RGS12: variants seen among roughly 807,000 people sequenced by gnomAD.
RGS12 encodes the protein regulator of G-protein signaling 12.
Under a neutral mutation model 120.1 loss-of-function variants are expected in RGS12, and 66 were observed. That is an observed-to-expected ratio of 0.55 (90% confidence interval 0.45 to 0.67). The LOEUF is 0.67. Ranked by LOEUF, RGS12 falls within the 30% of genes least tolerant of loss-of-function variation. The probability of loss-of-function intolerance (pLI) is 0.00; values close to 1 mark genes in which losing one functional copy is unlikely to be tolerated. For missense variants in RGS12, 1,859 were observed against 1,957.7 expected (o/e 0.95, Z 0.95); for synonymous variants, 827 against 804.7 (o/e 1.03, Z -0.47).
intron 14 of RGS12, among the ~76,000 whole-genome samples, chr4:3,427,599 G>C (rs571906021): frequency 6.6e-6 from 1 of 152,286 alleles, no homozygotes; most frequent in East Asian, 1.9e-4. Context: ...AGCTGGGTGT[G>C]GTGGCACATG....
chr4:3,392,261 A>T (rs1719580207), intron 4 of RGS12, among the ~76,000 whole-genome samples: 1 of 152,140 alleles, frequency 6.6e-6, no homozygotes, highest in Admixed American at 6.5e-5. Context: ...ATACCACCTA[A>T]CAGAAAGCTT....
intron 2 of RGS12, among the ~76,000 whole-genome samples, chr4:3,322,577 A>G (rs1725271888): frequency 6.6e-6 from 1 of 152,192 alleles, no homozygotes; most frequent in Non-Finnish European, 1.5e-5. Flanking sequence ...ACTGACTCAA[A>G]GTTATATTAA....
At position 3,439,532 on chromosome 4, in the gene RGS12, G is replaced by A. The variant is rs150159451; in HGVS notation, c.4192G>A (p.Gly1398Arg). The A allele has an allele frequency of 1.7e-4, 271 of 1,612,716 alleles. No individual in the cohort carries two copies. Among genetic ancestry groups the A allele is most frequent in the Middle Eastern group, 8.3e-4 (5 of 6,056 alleles). Residue 1398 changes from glycine (G) to arginine (R), a missense_variant, in exon 18 of 18, where the codon GGG becomes AGG. Gly to Arg is a moderately radical substitution (Grantham distance 125, BLOSUM62 -2). Around this residue, in one of 3 missense-constraint regions of RGS12, gnomAD observed 517 missense variants for 488.5 expected, o/e 1.06. Transcript: ENST00000336727. ...GGATCTTGTAACTGGCTCGGCGCCC[G>A]GGCGGGATGGTGGCATAGCGGGGGC... ...DVDLVTGSAP[G>R]RDGGIAGAQA...
At chr4:3,423,411 G>A in intron 12 of RGS12, 104 bp from the exon 13 acceptor site, 3 of 1,467,022 alleles carry the variant, frequency 2.0e-6, no homozygotes, top group Non-Finnish European at 2.8e-6. Context: ...GGCACACCGA[G>A]GCCTTGAGGG....
chr4:3,314,147 A>T (rs1203992043), intron 1 of RGS12: 1 of 151,756 alleles, frequency 6.6e-6, no homozygotes, highest in East Asian at 1.9e-4. Flanking sequence ...GAGTAATGTA[A>T]TTTATATTCA....
At chr4:3,410,239 C>G (rs1347120993) in intron 4 of RGS12, among the ~76,000 whole-genome samples, 1 of 152,234 alleles carries the variant, frequency 6.6e-6, no homozygotes, top group South Asian at 2.1e-4. Flanking sequence ...ATAGCTGGGA[C>G]CACAGGTGCC....
chr4:3,340,783 A>AGGCCG (rs1560098592), intron 2 of RGS12, among the ~76,000 whole-genome samples: 2 of 75,602 alleles, frequency 2.6e-5, no homozygotes, highest in Non-Finnish European at 5.1e-5. Context: ...GGTGCAGGCC[A>AGGCCG]GTGCAGTCCG....
intron 17 of RGS12, chr4:3,431,657 G>A (rs1724318102): frequency 3.0e-6 from 3 of 985,770 alleles, no homozygotes; most frequent in Non-Finnish European, 3.6e-6. Flanking sequence ...GCTCCCAGCA[G>A]CCGGTAGGGA....
At chr4:3,309,606 AC>A (rs1560645783) in intron 1 of RGS12, among the ~76,000 whole-genome samples, 8 of 122,460 alleles carry the variant, frequency 6.5e-5, no homozygotes, top group Non-Finnish European at 1.3e-4. Context: ...AGGAGCTGGG[AC>A]CTGGGAATGG....
rs1009178853 is a variant in RGS12, at chr4:3,388,758, C to T, written c.2020+2321C>T. On this transcript the variant is annotated intron_variant, in intron 4 of 17. Transcript: ENST00000336727. ...GCAGTGACAGGAGCCTGGGCGGGGTCGGGGTGGGGGGGTGGTCCCAGGGAA... is the reference window on the plus strand; with the variant it reads ...GCAGTGACAGGAGCCTGGGCGGGGTTGGGGTGGGGGGGTGGTCCCAGGGAA... Among the ~76,000 whole-genome samples the T allele has an allele frequency of 4.6e-5, 7 of 152,230 alleles. No individual in the cohort carries two copies. The East Asian group carries it at 1.2e-3, about 25-fold the overall frequency.
chr4:3,388,766 G>A (rs1719137143), intron 4 of RGS12, among the ~76,000 whole-genome samples: 1 of 152,242 alleles, frequency 6.6e-6, no homozygotes. Flanking sequence ...GTCGGGGTGG[G>A]GGGGTGGTCC....
chr4:3,426,395 G>T (rs1001253858), intron 14 of RGS12, among the ~76,000 whole-genome samples: 2 of 151,880 alleles, frequency 1.3e-5, no homozygotes, highest in African/African-American at 4.8e-5. Context: ...AAGAGAATTG[G>T]TCTGGGCCCC....
chr4:3,302,232 C>G (rs1426260188), intron 1 of RGS12, among the ~76,000 whole-genome samples: 1 of 152,130 alleles, frequency 6.6e-6, no homozygotes, highest in Non-Finnish European at 1.5e-5. Flanking sequence ...GGGCTGTGGC[C>G]TCCGTGTGTC....
chr4:3,434,172 G>T (rs1235419805), intron 17 of RGS12, among the ~76,000 whole-genome samples: 3 of 152,190 alleles, frequency 2.0e-5, no homozygotes, highest in Non-Finnish European at 4.4e-5. Context: ...ATGGCAGAAG[G>T]CACCTCTTCA....
Position 3,414,158 on chromosome 4 carries a change from C to A in RGS12, c.2107C>A (p.Arg703Ser), listed in dbSNP as rs893104117. 2.6e-6 allele frequency: 4 copies of A among 1,559,048 alleles called. No individual in the cohort carries two copies. Among genetic ancestry groups the A allele is most frequent in the East Asian group, 2.4e-5 (1 of 42,366 alleles). Reference protein sequence around the residue: ...ASLPSVQSCRRLRERRVASWA... With the variant: ...ASLPSVQSCRSLRERRVASWA... ...CCTCCCCAGCGTGCAGAGCTGCCGG[C>A]GCCTGCGTGAGAGGAGGGTCGCCAG... Residue 703 changes from arginine to serine, a missense_variant, in exon 5 of 18, where the codon CGC becomes AGC. Physicochemically the swap from Arg to Ser is moderately radical, Grantham distance 110. Transcript: ENST00000336727.
chr4:3,403,673 C>T (rs1032886348), intron 4 of RGS12, among the ~76,000 whole-genome samples: 5 of 152,198 alleles, frequency 3.3e-5, no homozygotes, highest in Non-Finnish European at 5.9e-5. Flanking sequence ...AGAGCTGGGC[C>T]GGCCTCCGCA....
intron 3 of RGS12, among the ~76,000 whole-genome samples, chr4:3,351,429 A>G (rs924108994): frequency 3.3e-5 from 5 of 152,202 alleles, no homozygotes; most frequent in South Asian, 2.1e-4. Flanking sequence ...CGATTTTTCA[A>G]TTAGCTTTTT....
chr4:3,334,851 C>T (rs1712271228), intron 2 of RGS12, among the ~76,000 whole-genome samples: 1 of 152,134 alleles, frequency 6.6e-6, no homozygotes, highest in Non-Finnish European at 1.5e-5. Context: ...ATGCGGGTCA[C>T]TGATGTGTTG....
At chr4:3,340,738 T>C (rs1444912659) in intron 2 of RGS12, among the ~76,000 whole-genome samples, 5 of 131,358 alleles carry the variant, frequency 3.8e-5, no homozygotes, top group Non-Finnish European at 8.0e-5. Context: ...CTGAGCCCCA[T>C]GGGAGCAGCA....
Sources: allele counts gnomAD v4.1 joint callset (sites outside exome capture counted in the v4.1 genomes callset), GRCh38; gene constraint gnomAD v4.1.1; regional missense constraint gnomAD v4.1.1; transcripts MANE v1.5; gene names NCBI Gene and HGNC (gene_info 2026-07-23, HGNC 2026-07-21).